Variants in PEAK1 observed in about 807,000 individuals in gnomAD.
PEAK1 encodes the protein pseudopodium enriched atypical kinase 1.
In PEAK1, 54 loss-of-function variants were observed where a neutral mutation model predicts 124.7. The ratio of observed to expected loss-of-function variants is 0.43; its 90% CI spans 0.35 to 0.54. The LOEUF is 0.54. Ranked by LOEUF, PEAK1 falls within the 20% of genes least tolerant of loss-of-function variation. The pLI, the probability that PEAK1 is intolerant of heterozygous loss-of-function variation, is 0.01. For missense variants in PEAK1, 2,046 were observed against 2,134.5 expected (o/e 0.96, Z 0.82); for synonymous variants, 719 against 760.0 (o/e 0.95, Z 0.89).
At chr15:77,415,542 C>T (rs1344795926) in intron 1 of PEAK1, among the ~76,000 whole-genome samples, 1 of 152,186 alleles carries the variant, frequency 6.6e-6, no homozygotes, top group African/African-American at 2.4e-5. Flanking sequence ...ACTACAGGCA[C>T]ATGCCACAGC....
intron 2 of PEAK1, among the ~76,000 whole-genome samples, chr15:77,321,915 T>C (rs1055597715): frequency 6.6e-6 from 1 of 151,990 alleles, no homozygotes; most frequent in Non-Finnish European, 1.5e-5. Context: ...AGAACAGAAA[T>C]TATAACAAAC....
intron 6 of PEAK1, among the ~76,000 whole-genome samples, chr15:77,249,586 A>G (rs538786453): frequency 9.2e-5 from 14 of 152,224 alleles, no homozygotes; most frequent in Non-Finnish European, 1.5e-4. Context: ...AAATATGTAA[A>G]TGTAGATGGT....
At chr15:77,208,636 C>A (rs2058770030) in intron 6 of PEAK1, among the ~76,000 whole-genome samples, 1 of 152,076 alleles carries the variant, frequency 6.6e-6, no homozygotes, top group African/African-American at 2.4e-5. Flanking sequence ...AGGGAAAAAA[C>A]ACCATTCTTT....
At chr15:77,418,340 T>G (rs1193702437) in intron 1 of PEAK1, 1 of 985,178 alleles carries the variant, frequency 1.0e-6, no homozygotes, top group Non-Finnish European at 1.2e-6. Context: ...AGAAAATAAT[T>G]TGACATTTTT....
chr15:77,357,108 GA>G (rs961228227), intron 2 of PEAK1, among the ~76,000 whole-genome samples: 2 of 152,078 alleles, frequency 1.3e-5, no homozygotes, highest in Non-Finnish European at 2.9e-5. Flanking sequence ...CTCTAAAAAA[GA>G]AAAAAACATA....
chr15:77,344,830 C>T lies in PEAK1; in HGVS notation c.-603+20333G>A, dbSNP rs576546462. On this transcript the variant is annotated intron_variant, in intron 2 of 9. Transcript: ENST00000682557. ...TTTGATAGAATTGTTTTCTTCATTTCGAAACCATTTTTGGATTAGTCATTG... is the reference window on the plus strand; with the variant it reads ...TTTGATAGAATTGTTTTCTTCATTTTGAAACCATTTTTGGATTAGTCATTG... 1.2e-4 allele frequency among the ~76,000 whole-genome samples: 19 copies of T among 152,198 alleles called. No homozygotes were observed. The East Asian group carries it at 1.4e-3, about 11-fold the overall frequency.
intron 2 of PEAK1, chr15:77,355,800 T>C (rs1456367210): frequency 3.0e-6 from 3 of 985,238 alleles, no homozygotes; most frequent in Non-Finnish European, 3.6e-6. Flanking sequence ...TTCCAATTCC[T>C]GTAGAATCGG....
chr15:77,120,040 G>C (rs1486505730), intron 9 of PEAK1, among the ~76,000 whole-genome samples: 1 of 152,188 alleles, frequency 6.6e-6, no homozygotes, highest in Non-Finnish European at 1.5e-5. Context: ...CTAAGTCAGA[G>C]GGATAGGGGG....
rs551923032 is a variant in PEAK1 at position 77,256,698 on chromosome 15, T to G, written c.-274-4172A>C. On this transcript the variant is annotated intron_variant, in intron 5 of 9. Coordinates refer to ENST00000682557, the MANE Select transcript of PEAK1 (RefSeq NM_001385026.1). Reference sequence around the variant, plus strand: ...TCAGAACATAGCCAGTTCATTTGTTTATATATTGTCTATGGCTAATTTTTT... The same window carrying G: ...TCAGAACATAGCCAGTTCATTTGTTGATATATTGTCTATGGCTAATTTTTT... Among the ~76,000 whole-genome samples, 35 of 152,212 alleles carry G rather than the reference T, an allele frequency of 2.3e-4. 1 individual carries two copies. The South Asian group carries it at 5.4e-3, about 23-fold the overall frequency.
At chr15:77,290,348 G>A (rs2063152008) in intron 2 of PEAK1, among the ~76,000 whole-genome samples, 1 of 152,106 alleles carries the variant, frequency 6.6e-6, no homozygotes, top group African/African-American at 2.4e-5. Context: ...TCAAACTCCT[G>A]ACCTCAAGTG....
At chr15:77,358,149 C>T (rs928688995) in intron 2 of PEAK1, among the ~76,000 whole-genome samples, 9 of 152,048 alleles carry the variant, frequency 5.9e-5, no homozygotes, top group Non-Finnish European at 1.3e-4. Flanking sequence ...TGCAAGGAGC[C>T]TGTTCTATTA....
At chr15:77,241,210 T>C (rs1319326498) in intron 6 of PEAK1, among the ~76,000 whole-genome samples, 3 of 152,156 alleles carry the variant, frequency 2.0e-5, no homozygotes, top group Non-Finnish European at 4.4e-5. Flanking sequence ...TGTAAACTAC[T>C]ATATTAACAG....
chr15:77,407,886 TATATATATATATATACAC>T (rs2071963780), intron 1 of PEAK1, among the ~76,000 whole-genome samples: 1 of 121,736 alleles, frequency 8.2e-6, no homozygotes, highest in African/African-American at 2.9e-5. Context: ...AAGCATGATA[TATATATATATATATACAC>T]ATATATATAC....
chr15:77,212,975 A>G (rs2058974765), intron 6 of PEAK1, among the ~76,000 whole-genome samples: 1 of 152,182 alleles, frequency 6.6e-6, no homozygotes, highest in African/African-American at 2.4e-5. Flanking sequence ...TTAGCAATAA[A>G]CATCTTTTTA....
chr15:77,165,831 A>C (rs1374660750), intron 7 of PEAK1, among the ~76,000 whole-genome samples: 1 of 152,202 alleles, frequency 6.6e-6, no homozygotes, highest in Non-Finnish European at 1.5e-5. Flanking sequence ...GGAAACTGAG[A>C]TTGAAAGAAG....
At chr15:77,352,990 G>C (rs1427993029) in intron 2 of PEAK1, 17 of 985,072 alleles carry the variant, frequency 1.7e-5, no homozygotes, top group Non-Finnish European at 1.9e-5. Flanking sequence ...TAAATACTCA[G>C]TGAGTAAAAC....
At chr15:77,417,762 G>A in intron 1 of PEAK1, 8 of 985,378 alleles carry the variant, frequency 8.1e-6, no homozygotes, top group Non-Finnish European at 9.6e-6. Flanking sequence ...CTCTCATGAA[G>A]CAAATGCTAA....
intron 1 of PEAK1, among the ~76,000 whole-genome samples, chr15:77,396,497 C>A (rs965151818): frequency 4.4e-4 from 67 of 151,586 alleles, no homozygotes; most frequent in Admixed American, 3.2e-3. Flanking sequence ...TTAAAAAAAA[C>A]CAACAAAAAA....
At chr15:77,295,876 T>A (rs891101897) in intron 2 of PEAK1, among the ~76,000 whole-genome samples, 3 of 152,216 alleles carry the variant, frequency 2.0e-5, no homozygotes, top group African/African-American at 7.2e-5. Flanking sequence ...TCATATAGCT[T>A]CATCAGCTAA....
Sources: allele counts gnomAD v4.1 joint callset (sites outside exome capture counted in the v4.1 genomes callset), GRCh38; gene constraint gnomAD v4.1.1; transcripts MANE v1.5; gene names NCBI Gene and HGNC (gene_info 2026-07-23, HGNC 2026-07-21).